The following ARPC3 variants were observed in gnomAD, a reference collection of about 807,000 sequenced individuals.
The protein encoded by ARPC3 is actin related protein 2/3 complex subunit 3.
ARPC3 carries 12 observed loss-of-function variants against 27.6 expected under a neutral mutation model. The observed-to-expected ratio is 0.43, with a 90% CI of 0.28 to 0.70. The LOEUF is 0.70. Ranked by LOEUF, ARPC3 falls within the 30% of genes least tolerant of loss-of-function variation. ARPC3 has a pLI of 0.17. For missense variants in ARPC3, 153 were observed against 207.7 expected (o/e 0.74, Z 1.62); for synonymous variants, 53 against 67.2 (o/e 0.79, Z 1.03).
chr12:110,449,876 G>A (rs2062490359), intron 1 of ARPC3, among the ~76,000 whole-genome samples: 1 of 152,184 alleles, frequency 6.6e-6, no homozygotes, highest in African/African-American at 2.4e-5. Context: ...GGCGGAGGAG[G>A]AAGTGGGCCT....
Position 110,445,554 on chromosome 12 carries a change from G to A in ARPC3, c.7-3C>T, listed in dbSNP as rs753393931. 1.3e-6 allele frequency: 2 copies of A among 1,595,378 alleles called. No individual in the cohort carries two copies. The highest frequency in any genetic ancestry group is 2.2e-5 in the East Asian group (1 of 44,778). On this transcript the variant is annotated splice_region_variant and splice_polypyrimidine_tract_variant and intron_variant, in intron 1 of 6. Transcript: ENST00000228825. Reference sequence around the variant, plus strand: ...TCCATGAGAGAAGAGTGGTAAGCCTGTAATGGCAAGCCCAGGAAGAACACA... The same window carrying A: ...TCCATGAGAGAAGAGTGGTAAGCCTATAATGGCAAGCCCAGGAAGAACACA...
At chr12:110,449,947 C>G (rs1307056948) in intron 1 of ARPC3, among the ~76,000 whole-genome samples, 1 of 152,172 alleles carries the variant, frequency 6.6e-6, no homozygotes, top group Non-Finnish European at 1.5e-5. Context: ...AAGCGCAGCC[C>G]TTGGCTTCGC....
Position 110,450,335 on chromosome 12 carries a change from GGC to G in ARPC3, c.-77_-76del, listed in dbSNP as rs1566299207. The G allele has an allele frequency of 1.3e-6, 2 of 1,598,908 alleles. No individual in the cohort carries two copies. Among genetic ancestry groups the G allele is most frequent in the African/African-American group, 2.7e-5 (2 of 74,652 alleles). ...GGAGCGCTTCCGGTCTGGCAGCCTG[GGC>G]GAGGTAGGCGGAAGCGAAACGGAAG... On this transcript the variant is annotated 5_prime_UTR_variant, in exon 1 of 7. Transcript: ENST00000228825.
intron 1 of ARPC3, 30 bp downstream of exon 1, chr12:110,450,225 G>C: frequency 6.2e-7 from 1 of 1,613,898 alleles, no homozygotes; most frequent in Non-Finnish European, 8.5e-7. Context: ...AATCCCCGCT[G>C]TCTCCCCACA....
chr12:110,435,328 T>G, intron 6 of ARPC3, 111 bp from the exon 7 acceptor site: 1 of 898,464 alleles, frequency 1.1e-6, no homozygotes. Flanking sequence ...TAAACTTTTT[T>G]TTTTTTTTTT....
At chr12:110,438,943 A>G (rs1566295208) in intron 3 of ARPC3, among the ~76,000 whole-genome samples, 1 of 150,912 alleles carries the variant, frequency 6.6e-6, no homozygotes, top group Non-Finnish European at 1.5e-5. Flanking sequence ...ACATTTCCCT[A>G]TTTTTAAGAC....
chr12:110,447,886 C>CTTT (rs796202139), intron 1 of ARPC3, among the ~76,000 whole-genome samples: 43 of 107,186 alleles, frequency 4.0e-4, no homozygotes, highest in Middle Eastern at 5.7e-3. Flanking sequence ...ATTTAGAGTC[C>CTTT]TTTTTTTTTT....
In ARPC3 at chr12:110,445,543, G is replaced by A; in HGVS notation, c.15C>T (p.His5=). The A allele has an allele frequency of 1.2e-6, 2 of 1,611,450 alleles. No homozygotes were observed. The highest frequency in any genetic ancestry group is 8.5e-7 in the Non-Finnish European group (1 of 1,177,614). MPAY[H]SSLMDPDTKL... is the part of the protein sequence containing the mutation. Reference sequence around the variant, plus strand: ...TGGTATCAGGATCCATGAGAGAAGAGTGGTAAGCCTGTAATGGCAAGCCCA... The same window carrying A: ...TGGTATCAGGATCCATGAGAGAAGAATGGTAAGCCTGTAATGGCAAGCCCA... Residue 5 remains histidine (H), a synonymous_variant, in exon 2 of 7, where the codon CAC becomes CAT. Transcript: ENST00000228825.
chr12:110,450,094 C>T (rs941426800), intron 1 of ARPC3, among the ~76,000 whole-genome samples, 161 bp downstream of exon 1: 2 of 152,194 alleles, frequency 1.3e-5, no homozygotes, highest in African/African-American at 4.8e-5. Flanking sequence ...CCCCGGGCCG[C>T]CCCAATCCTT....
rs867209449 is a variant in ARPC3 at position 110,435,646 on chromosome 12, C to T, written c.475-429G>A. Among the ~76,000 whole-genome samples the T allele has an allele frequency of 2.7e-5, 4 of 148,692 alleles. No homozygotes were observed. In the South Asian group the frequency reaches 8.5e-4, roughly 32 times the overall value. ...CGCCTGGCCATAAACCCTTTTTAGA[C>T]AAAGTCTCACTCTGTCATTCAGGCT... On this transcript the variant is annotated intron_variant, in intron 6 of 6. Coordinates refer to ENST00000228825, the MANE Select transcript of ARPC3 (RefSeq NM_001278556.2).
intron 1 of ARPC3, among the ~76,000 whole-genome samples, chr12:110,448,498 G>A (rs2062478010): frequency 6.6e-6 from 1 of 151,874 alleles, no homozygotes. Context: ...ACAACATGGT[G>A]AGACTCTGTC....
chr12:110,441,509 C>T (rs556855959), intron 2 of ARPC3, among the ~76,000 whole-genome samples: 172 of 152,206 alleles, frequency 1.1e-3, no homozygotes, highest in Middle Eastern at 3.4e-3. Context: ...TATACATGCT[C>T]ATTAGAAAAT....
At chr12:110,437,816 C>T (rs1039979613) in intron 3 of ARPC3, among the ~76,000 whole-genome samples, 1 of 152,166 alleles carries the variant, frequency 6.6e-6, no homozygotes, top group African/African-American at 2.4e-5. Context: ...TTTTTAAAAA[C>T]CCTTCCCTTC....
At chr12:110,438,375 G>GT (rs1287266463) in intron 3 of ARPC3, among the ~76,000 whole-genome samples, 2 of 150,966 alleles carry the variant, frequency 1.3e-5, no homozygotes, top group Non-Finnish European at 2.9e-5. Context: ...CAAGGTGGGT[G>GT]TATCACGAGC....
At chr12:110,446,075 C>A (rs2135504521) in intron 1 of ARPC3, among the ~76,000 whole-genome samples, 1 of 151,240 alleles carries the variant, frequency 6.6e-6, no homozygotes, top group South Asian at 2.1e-4. Context: ...TGCACTCCAG[C>A]CTGGGCAACA....
chr12:110,443,419 CCACGCCCTATTTTTTATTTA>C (rs2062448641), intron 2 of ARPC3, among the ~76,000 whole-genome samples: 1 of 151,280 alleles, frequency 6.6e-6, no homozygotes, highest in African/African-American at 2.4e-5. Context: ...AGCCACCGCG[CCACGCCCTATTTTTTATTTA>C]TTTATTTTTT....
intron 2 of ARPC3, among the ~76,000 whole-genome samples, chr12:110,440,720 G>T (rs567843540): frequency 6.7e-6 from 1 of 148,244 alleles, no homozygotes; most frequent in South Asian, 2.1e-4. Context: ...CTAATTTTTT[G>T]TATTTTTAGT....
At chr12:110,441,675 C>T (rs578182759) in intron 2 of ARPC3, among the ~76,000 whole-genome samples, 1 of 151,824 alleles carries the variant, frequency 6.6e-6, no homozygotes, top group Non-Finnish European at 1.5e-5. Flanking sequence ...GGACTACAGG[C>T]ATGCACCATG....
intron 3 of ARPC3, among the ~76,000 whole-genome samples, chr12:110,438,125 G>A (rs1450110951): frequency 4.6e-5 from 7 of 151,822 alleles, no homozygotes; most frequent in Non-Finnish European, 8.8e-5. Flanking sequence ...GCGAAACACC[G>A]TCTCTACTAA....
Sources: allele counts gnomAD v4.1 joint callset (sites outside exome capture counted in the v4.1 genomes callset), GRCh38; gene constraint gnomAD v4.1.1; transcripts MANE v1.5; gene names NCBI Gene and HGNC (gene_info 2026-07-23, HGNC 2026-07-21).